PDE7B: variants seen among roughly 807,000 people sequenced by gnomAD.
The protein encoded by PDE7B is 3',5'-cyclic-AMP phosphodiesterase 7B.
In PDE7B, 29 loss-of-function variants were observed where a neutral mutation model predicts 56.2. That is an observed-to-expected ratio of 0.52 (90% CI 0.38 to 0.70). The LOEUF is 0.70. Among genes scored for constraint, PDE7B ranks in the 30% least tolerant of loss-of-function variants. PDE7B has a pLI of 0.00. For synonymous variants in PDE7B, 197 were observed against 196.9 expected (o/e 1.00, Z 0.00); for missense variants, 490 against 565.0 (o/e 0.87, Z 1.35).
intron 2 of PDE7B, among the ~76,000 whole-genome samples, chr6:136,015,707 T>G (rs1320707250): frequency 6.6e-6 from 1 of 152,022 alleles, no homozygotes; most frequent in Admixed American, 6.6e-5. Flanking sequence ...CATTCTTGAT[T>G]CCCGGATTCC....
At chr6:135,900,063 A>G (rs1038852012) in intron 1 of PDE7B, among the ~76,000 whole-genome samples, 3 of 152,142 alleles carry the variant, frequency 2.0e-5, no homozygotes, top group African/African-American at 4.8e-5. Flanking sequence ...AGTTAGTCTG[A>G]CATGGTTCCT....
chr6:135,862,532 ATTAG>A (rs1037969048), intron 1 of PDE7B, among the ~76,000 whole-genome samples: 1 of 151,818 alleles, frequency 6.6e-6, no homozygotes, highest in African/African-American at 2.4e-5. Context: ...ACTTTATTAA[ATTAG>A]TTAGGAAATA....
intron 1 of PDE7B, among the ~76,000 whole-genome samples, chr6:135,918,297 T>C (rs1016781014): frequency 2.6e-5 from 4 of 152,258 alleles, no homozygotes; most frequent in African/African-American, 4.8e-5. Context: ...CTGCTCTGAA[T>C]GTTTTCCAAC....
chr6:136,029,123 T>A (rs1379047943), intron 2 of PDE7B, among the ~76,000 whole-genome samples: 7 of 152,222 alleles, frequency 4.6e-5, no homozygotes, highest in African/African-American at 1.7e-4. Flanking sequence ...TTGCCATTAC[T>A]TTTCATGTTA....
chr6:136,008,131 G>A (rs1775822261), intron 2 of PDE7B, among the ~76,000 whole-genome samples: 1 of 151,866 alleles, frequency 6.6e-6, no homozygotes, highest in African/African-American at 2.4e-5. Context: ...ATGGTTTCCA[G>A]CTTCATCCAT....
intron 8 of PDE7B, chr6:136,156,093 C>T (rs1778598097): frequency 5.2e-6 from 2 of 386,186 alleles, no homozygotes; most frequent in Middle Eastern, 8.8e-4. Flanking sequence ...TTTTCTTTTC[C>T]CATCAGTAAA....
At chr6:136,188,088 A>G (rs1779169166) in intron 12 of PDE7B, among the ~76,000 whole-genome samples, 1 of 152,214 alleles carries the variant, frequency 6.6e-6, no homozygotes, top group Non-Finnish European at 1.5e-5. Context: ...TAAGCTGAAA[A>G]TTAAGAAAAC....
chr6:136,069,113 G>C (rs1361887009), intron 2 of PDE7B, among the ~76,000 whole-genome samples: 1 of 152,154 alleles, frequency 6.6e-6, no homozygotes, highest in Non-Finnish European at 1.5e-5. Flanking sequence ...GTTTACGTTA[G>C]AATGCCCTTG....
At chr6:135,935,218 T>A (rs9399173) in intron 1 of PDE7B, among the ~76,000 whole-genome samples, 4,975 of 31,740 alleles carry the variant, frequency 0.16, 513 homozygotes, top group East Asian at 0.31. Context: ...ATATATATAT[T>A]TTCATGATTC....
intron 3 of PDE7B, among the ~76,000 whole-genome samples, chr6:136,127,285 C>A (rs1554281558): frequency 6.6e-6 from 1 of 151,976 alleles, no homozygotes; most frequent in Non-Finnish European, 1.5e-5. Flanking sequence ...GCCAAGAATG[C>A]CCCCCCAACA....
chr6:136,183,643 G>A (rs575934180), intron 11 of PDE7B, among the ~76,000 whole-genome samples: 3 of 150,802 alleles, frequency 2.0e-5, no homozygotes, highest in African/African-American at 7.3e-5. Flanking sequence ...TAGATTCCCT[G>A]GTCATCCAAA....
chr6:135,978,144 G>GC (rs1441479118), intron 2 of PDE7B, among the ~76,000 whole-genome samples: 1 of 152,006 alleles, frequency 6.6e-6, no homozygotes, highest in African/African-American at 2.4e-5. Context: ...AGCCTACTAC[G>GC]CACCCAGGCT....
At chr6:135,926,532 A>G (rs1235901694) in intron 1 of PDE7B, among the ~76,000 whole-genome samples, 1 of 151,974 alleles carries the variant, frequency 6.6e-6, no homozygotes, top group Non-Finnish European at 1.5e-5. Context: ...TCTTCTTGGT[A>G]TCTCTGTGTC....
chr6:136,000,635 C>T lies in PDE7B; in HGVS notation c.82+53111C>T, dbSNP rs540987199. Among the ~76,000 whole-genome samples, 9 of 152,258 alleles carry T rather than the reference C, an allele frequency of 5.9e-5. No homozygotes were observed. In the South Asian group the frequency reaches 1.2e-3, roughly 21 times the overall value. On this transcript the variant is annotated intron_variant, in intron 2 of 12. Coordinates refer to ENST00000308191, the MANE Select transcript of PDE7B (RefSeq NM_018945.4). ...TCTGTTTTTTTGTACTAGTACCATGCTGTTTTGGTTACTGTAGCCCTGTAA... is the reference window on the plus strand; with the variant it reads ...TCTGTTTTTTTGTACTAGTACCATGTTGTTTTGGTTACTGTAGCCCTGTAA...
At chr6:136,066,707 A>G (rs185492359) in intron 2 of PDE7B, among the ~76,000 whole-genome samples, 1 of 152,316 alleles carries the variant, frequency 6.6e-6, no homozygotes, top group Admixed American at 6.5e-5. Context: ...CTTTAAAAAG[A>G]AAAAAAGTTG....
chr6:136,036,321 G>A (rs894850721), intron 2 of PDE7B, among the ~76,000 whole-genome samples: 1 of 152,138 alleles, frequency 6.6e-6, no homozygotes, highest in African/African-American at 2.4e-5. Flanking sequence ...TGTATATCTG[G>A]TTGTTATAGA....
At chr6:135,902,529 T>A (rs1776022823) in intron 1 of PDE7B, among the ~76,000 whole-genome samples, 1 of 152,144 alleles carries the variant, frequency 6.6e-6, no homozygotes, top group Non-Finnish European at 1.5e-5. Flanking sequence ...TTGAGCACTC[T>A]CTAAGCAATA....
At chr6:136,011,532 A>C (rs774442954) in intron 2 of PDE7B, among the ~76,000 whole-genome samples, 10 of 152,208 alleles carry the variant, frequency 6.6e-5, no homozygotes, top group Non-Finnish European at 8.8e-5. Flanking sequence ...TCTCTTTTGC[A>C]TGATTGCAAT....
At chr6:136,073,373 G>T (rs1462393808) in intron 2 of PDE7B, among the ~76,000 whole-genome samples, 1 of 152,194 alleles carries the variant, frequency 6.6e-6, no homozygotes, top group African/African-American at 2.4e-5. Context: ...ACGGGCATAT[G>T]TCTTAATCAG....
Sources: gnomAD v4.1 joint callset for allele counts (sites outside exome capture counted in the v4.1 genomes callset) on GRCh38, gnomAD v4.1.1 for gene constraint, MANE v1.5 for transcripts, NCBI Gene and HGNC (gene_info 2026-07-23, HGNC 2026-07-21) for gene names.